Variants in FMN1 observed in about 807,000 individuals in gnomAD.
The protein encoded by FMN1 is formin-1.
In FMN1, 110 loss-of-function variants were observed where a neutral mutation model predicts 132.4. The ratio of observed to expected loss-of-function variants is 0.83; its 90% CI spans 0.71 to 0.97. The LOEUF (loss-of-function observed/expected upper bound fraction) is 0.97, where lower values mean the gene tolerates loss of function less well. Ranked by LOEUF, FMN1 falls within the 50% of genes least tolerant of loss-of-function variation. The pLI is 0.00. For synonymous variants in FMN1, 722 were observed against 651.7 expected (o/e 1.11, Z -1.64); for missense variants, 1,792 against 1,705.3 (o/e 1.05, Z -0.90).
chr15:32,883,149 T>C (rs2059810662), intron 16 of FMN1, among the ~76,000 whole-genome samples: 1 of 152,032 alleles, frequency 6.6e-6, no homozygotes, highest in African/African-American at 2.4e-5. Context: ...TCAACTGCAG[T>C]AATAGGAAGA....
At chr15:32,988,927 ATGT>A (rs1185246308) in intron 7 of FMN1, among the ~76,000 whole-genome samples, 3 of 152,198 alleles carry the variant, frequency 2.0e-5, no homozygotes, top group African/African-American at 7.2e-5. Flanking sequence ...CATCATGCAA[ATGT>A]TGTCTAAACG....
Position 32,766,594 on chromosome 15 carries a change from T to G in FMN1, c.*7716A>C, listed in dbSNP as rs1371412277. On this transcript the variant is annotated 3_prime_UTR_variant, in exon 21 of 21. Coordinates refer to ENST00000616417, the MANE Select transcript of FMN1 (RefSeq NM_001277313.2). Reference sequence around the variant, plus strand: ...AAAAAGAGACGTATTTTCCATCTCTTTTATGGATTTTCCTTTTTGCTTAAG... The same window carrying G: ...AAAAAGAGACGTATTTTCCATCTCTGTTATGGATTTTCCTTTTTGCTTAAG... The G allele has an allele frequency of 7.0e-6, 1 of 143,000 alleles. No homozygotes were observed. Among genetic ancestry groups the G allele is most frequent in the Non-Finnish European group, 1.5e-5 (1 of 66,654 alleles). The allele number at this position is 143,000 out of a possible 1,614,324, so 8.9% of individuals were successfully genotyped here. A position where few individuals can be genotyped will look rare whatever the true frequency, so the allele number is the denominator to read the frequency against.
At chr15:33,101,293 G>A (rs148568471) in intron 4 of FMN1, among the ~76,000 whole-genome samples, 56 of 151,970 alleles carry the variant, frequency 3.7e-4, no homozygotes, top group Non-Finnish European at 6.3e-4. Context: ...GGAGGTTGGC[G>A]ATTTGGTAAA....
intron 4 of FMN1, among the ~76,000 whole-genome samples, chr15:33,104,569 T>C (rs16964934): frequency 0.065 from 9,926 of 151,966 alleles, 378 homozygotes; most frequent in African/African-American, 0.11. Flanking sequence ...GAGATGAACC[T>C]AAGATAGCGC....
chr15:32,880,111 C>T (rs1008452616), intron 16 of FMN1, among the ~76,000 whole-genome samples: 21 of 151,882 alleles, frequency 1.4e-4, no homozygotes, highest in African/African-American at 2.4e-4. Context: ...CCTTCACTCC[C>T]GCCTCTTCAC....
chr15:33,156,814 T>G (rs1040238845), intron 3 of FMN1, among the ~76,000 whole-genome samples: 1 of 152,200 alleles, frequency 6.6e-6, no homozygotes, highest in Non-Finnish European at 1.5e-5. Flanking sequence ...TAATGAATTC[T>G]CAGACAAACT....
chr15:33,145,964 C>T (rs531779427), intron 4 of FMN1, among the ~76,000 whole-genome samples: 90 of 151,794 alleles, frequency 5.9e-4, no homozygotes, highest in Middle Eastern at 3.4e-3. Flanking sequence ...TGAATAAAAC[C>T]GTATTACCAT....
At chr15:32,923,997 A>G (rs368860851) in intron 10 of FMN1, among the ~76,000 whole-genome samples, 65 of 152,362 alleles carry the variant, frequency 4.3e-4, no homozygotes, top group African/African-American at 1.5e-3. Flanking sequence ...CCTAACTTCA[A>G]TAACTGCTTC....
chr15:32,789,280 T>C (rs1014602745), intron 19 of FMN1, among the ~76,000 whole-genome samples: 2 of 152,078 alleles, frequency 1.3e-5, no homozygotes, highest in East Asian at 3.8e-4. Context: ...AAACTGAAGA[T>C]ACAGTAAACC....
At chr15:33,057,546 T>A (rs1460766854) in intron 6 of FMN1, among the ~76,000 whole-genome samples, 2 of 152,346 alleles carry the variant, frequency 1.3e-5, no homozygotes, top group African/African-American at 4.8e-5. Context: ...TAAATTATCT[T>A]GCCACATGTC....
intron 17 of FMN1, among the ~76,000 whole-genome samples, chr15:32,807,340 C>CA (rs2057717582): frequency 6.6e-6 from 1 of 152,220 alleles, no homozygotes; most frequent in Admixed American, 6.5e-5. Flanking sequence ...GATGTCCCCC[C>CA]ATACTCTTGG....
intron 10 of FMN1, among the ~76,000 whole-genome samples, chr15:32,919,951 C>T (rs1433351942): frequency 2.0e-5 from 3 of 152,160 alleles, no homozygotes; most frequent in Non-Finnish European, 4.4e-5. Flanking sequence ...AACTGAGATT[C>T]CCAAACAGAA....
chr15:32,828,206 G>A (rs955686695), intron 17 of FMN1, among the ~76,000 whole-genome samples: 12 of 152,064 alleles, frequency 7.9e-5, no homozygotes, highest in Non-Finnish European at 1.3e-4. Context: ...CTCAGGAGGC[G>A]GAGGTTGCAG....
At chr15:32,834,609 A>C (rs1369560062) in intron 17 of FMN1, among the ~76,000 whole-genome samples, 1 of 152,166 alleles carries the variant, frequency 6.6e-6, no homozygotes, top group Non-Finnish European at 1.5e-5. Flanking sequence ...CCTTTCTCCA[A>C]ATGTGGCTGA....
chr15:33,152,056 C>T (rs1964459710), intron 4 of FMN1, among the ~76,000 whole-genome samples: 1 of 152,138 alleles, frequency 6.6e-6, no homozygotes, highest in Non-Finnish European at 1.5e-5. Flanking sequence ...TTGCTCTAAC[C>T]TGTAAGAGAC....
intron 4 of FMN1, among the ~76,000 whole-genome samples, chr15:33,093,333 T>C (rs1595455521): frequency 6.6e-6 from 1 of 152,168 alleles, no homozygotes; most frequent in South Asian, 2.1e-4. Flanking sequence ...TATGTACAGG[T>C]AGACATATCT....
intron 5 of FMN1, among the ~76,000 whole-genome samples, chr15:33,069,513 A>AG (rs910433755): frequency 6.6e-6 from 1 of 152,354 alleles, no homozygotes; most frequent in African/African-American, 2.4e-5. Flanking sequence ...GGTAGCCATA[A>AG]GGAAAATGAC....
At chr15:32,804,220 A>G (rs767374600) in intron 18 of FMN1, 61 bp downstream of exon 18, 7 of 1,205,702 alleles carry the variant, frequency 5.8e-6, no homozygotes, top group Admixed American at 4.6e-5. Flanking sequence ...GCACTTCATA[A>G]TAATAATACA....
chr15:33,091,946 G>C (rs2038919477), intron 4 of FMN1, among the ~76,000 whole-genome samples: 1 of 152,180 alleles, frequency 6.6e-6, no homozygotes, highest in Non-Finnish European at 1.5e-5. Flanking sequence ...AGTCTTATCA[G>C]TTTAAACATG....
Sources: allele counts gnomAD v4.1 joint callset (sites outside exome capture counted in the v4.1 genomes callset), GRCh38; gene constraint gnomAD v4.1.1; transcripts MANE v1.5; gene names NCBI Gene and HGNC (gene_info 2026-07-23, HGNC 2026-07-21).